The following RELN variants were observed in gnomAD, a reference collection of about 807,000 sequenced individuals.
RELN encodes reelin.
Under a neutral mutation model 427.6 loss-of-function variants are expected in RELN, and 108 were observed. That is an observed-to-expected ratio of 0.25 (90% CI 0.22 to 0.30). The LOEUF is 0.30. RELN is among the 10% of genes least tolerant of loss of function. The pLI is 1.00. For missense variants in RELN, 3,715 were observed against 4,302.8 expected (o/e 0.86, Z 3.82); for synonymous variants, 1,524 against 1,513.4 (o/e 1.01, Z -0.16).
At chr7:103,912,629 A>T (rs1795395230) in intron 2 of RELN, among the ~76,000 whole-genome samples, 1 of 152,158 alleles carries the variant, frequency 6.6e-6, no homozygotes, top group African/African-American at 2.4e-5. Context: ...ATTATCTAGG[A>T]AGTACAAAGA....
At position 103,873,412 on chromosome 7, in the gene RELN, CA is replaced by C. The variant is rs1339050651; in HGVS notation, c.338-39741del. Among the ~76,000 whole-genome samples the C allele has an allele frequency of 3.1e-5, 4 of 128,886 alleles. No individual in the cohort carries two copies. In the South Asian group the frequency reaches 1.4e-3, roughly 44 times the overall value. 84.6% of individuals were successfully genotyped at this position (128,886 alleles called of 152,430 possible). On this transcript the variant is annotated intron_variant, in intron 2 of 64. Transcript: ENST00000428762. ...AAACCCTTCAAAAAATCAATGAATC[CA>C]GGAGCTGGTTTTTTGAAAGGATCAA...
At chr7:103,857,874 A>T (rs1452725102) in intron 2 of RELN, among the ~76,000 whole-genome samples, 1 of 152,190 alleles carries the variant, frequency 6.6e-6, no homozygotes, top group Non-Finnish European at 1.5e-5. Context: ...GGGGGAAAAA[A>T]GCCACATCTT....
chr7:103,837,749 G>T (rs1793444498), intron 2 of RELN, among the ~76,000 whole-genome samples: 1 of 152,118 alleles, frequency 6.6e-6, no homozygotes, highest in African/African-American at 2.4e-5. Context: ...TGGCATCAGA[G>T]CAGTTCATAC....
chr7:103,522,830 G>GACATACAGACACACACACACACAGACAC (rs1829739097), intron 47 of RELN, among the ~76,000 whole-genome samples: 1 of 4,016 alleles, frequency 2.5e-4, no homozygotes, highest in Non-Finnish European at 4.8e-4. Flanking sequence ...ATCTCACACA[G>GACATACAGACACACACACACACAGACAC]ACACACAGAC....
chr7:103,566,798 T>G, intron 31 of RELN, 39 bp from the exon 32 acceptor site: 1 of 1,589,752 alleles, frequency 6.3e-7, no homozygotes, highest in South Asian at 1.1e-5. Context: ...TTGGACACTT[T>G]CCTAGAGGGG....
chr7:103,930,296 T>C (rs1584377132), intron 1 of RELN, among the ~76,000 whole-genome samples: 1 of 152,158 alleles, frequency 6.6e-6, no homozygotes, highest in African/African-American at 2.4e-5. Flanking sequence ...ATCAGTGATA[T>C]TGGATTAGGG....
intron 46 of RELN, among the ~76,000 whole-genome samples, chr7:103,533,352 G>T (rs1010667719): frequency 6.6e-6 from 1 of 152,186 alleles, no homozygotes; most frequent in Non-Finnish European, 1.5e-5. Context: ...CAGAGACAGC[G>T]ATTTTAATTT....
Position 103,572,258 on chromosome 7 carries a change from A to C in RELN, c.4514T>G (p.Leu1505Arg). The C allele has an allele frequency of 1.3e-6, 2 of 1,548,824 alleles. No homozygotes were observed. Among genetic ancestry groups the C allele is most frequent in the Non-Finnish European group, 1.8e-6 (2 of 1,120,580 alleles). ...TVPLDTRNIR[L>R]VQFYIQIGSK... ...TCCAATTTGTATATAAAATTGAACA[A>C]GTCTGGGGAATAAAAACTTTAGTTT... Residue 1505 changes from leucine (L) to arginine (R), a missense_variant and splice_region_variant, in exon 31 of 65, where the codon CTT becomes CGT. Leu to Arg is a moderately radical substitution (Grantham distance 102, BLOSUM62 -2). Transcript: ENST00000428762.
chr7:103,614,103 A>C (rs1204864474), intron 20 of RELN, among the ~76,000 whole-genome samples: 3 of 152,260 alleles, frequency 2.0e-5, no homozygotes, highest in African/African-American at 7.2e-5. Context: ...TAAAGGTGCC[A>C]AGACACCAAG....
chr7:103,711,571 A>C (rs1339708336), intron 8 of RELN, among the ~76,000 whole-genome samples: 1 of 152,234 alleles, frequency 6.6e-6, no homozygotes, highest in Non-Finnish European at 1.5e-5. Context: ...GGTTTGACTC[A>C]ATTAAAATAT....
At chr7:103,867,616 C>A (rs1472740292) in intron 2 of RELN, among the ~76,000 whole-genome samples, 4 of 151,992 alleles carry the variant, frequency 2.6e-5, no homozygotes, top group Non-Finnish European at 5.9e-5. Context: ...TTGAAATAAA[C>A]CCAAATTAAT....
rs1361024478 is a variant in RELN, at chr7:103,697,989, C to T, written c.1007G>A (p.Gly336Asp). ...GGCCCAGCAGGCTTCATACACTTCACCTACACGAAGATTTTCCTGCTTCCA... is the reference window on the plus strand; with the variant it reads ...GGCCCAGCAGGCTTCATACACTTCATCTACACGAAGATTTTCCTGCTTCCA... ...FQWKQENLRVGEVYEACWALD... is the reference protein window; with the variant it reads ...FQWKQENLRVDEVYEACWALD... The change falls in exon 10 of 65, where the codon GGT becomes GAT. Residue 336 changes from glycine to aspartate, a missense_variant. Physicochemically the swap from Gly to Asp is moderately conservative, Grantham distance 94 (BLOSUM62 -1). Around this residue, in one of 4 missense-constraint regions of RELN, gnomAD observed 2,208 missense variants for 2,361.7 expected, o/e 0.93. Transcript: ENST00000428762. 6.8e-6 allele frequency: 11 copies of T among 1,613,818 alleles called. No homozygotes were observed. The highest frequency in any genetic ancestry group is 2.2e-5 in the East Asian group (1 of 44,852).
intron 19 of RELN, among the ~76,000 whole-genome samples, chr7:103,634,637 A>G (rs1453160815): frequency 6.6e-6 from 1 of 152,084 alleles, no homozygotes; most frequent in African/African-American, 2.4e-5. Flanking sequence ...CATTTTTGCC[A>G]GAGACACTAT....
In RELN at chr7:103,697,749, G is replaced by A. The variant is rs1200905267; in HGVS notation, c.1143+104C>T. ...TATATTATCTGGTCCTTTAATAGTG[G>A]TTTTGGTAAAATAGCTATCTTTATA... On this transcript the variant is annotated intron_variant, in intron 10 of 64. Coordinates refer to ENST00000428762, the MANE Select transcript of RELN (RefSeq NM_005045.4). 4 of 1,526,812 alleles carry A rather than the reference G, an allele frequency of 2.6e-6. No homozygotes were observed. In the Admixed American group the frequency reaches 7.3e-5, roughly 28 times the overall value. 94.6% of individuals were successfully genotyped at this position (1,526,812 alleles called of 1,614,324 possible).
intron 48 of RELN, among the ~76,000 whole-genome samples, chr7:103,520,276 C>T (rs1252043881): frequency 2.6e-5 from 4 of 152,022 alleles, no homozygotes; most frequent in African/African-American, 7.2e-5. Context: ...ATTGAGATGA[C>T]CATTTTATTA....
chr7:103,926,687 C>T (rs62481172), intron 1 of RELN, among the ~76,000 whole-genome samples: 33,855 of 141,682 alleles, frequency 0.24, 5,218 homozygotes, highest in Non-Finnish European at 0.34. Context: ...CTCTGTCGCC[C>T]AGGCTAGAGG....
chr7:103,927,248 A>G (rs1795765840), intron 1 of RELN, among the ~76,000 whole-genome samples: 1 of 152,222 alleles, frequency 6.6e-6, no homozygotes, highest in African/African-American at 2.4e-5. Context: ...CGATACTGAG[A>G]ACATAATGAT....
At chr7:103,511,308 G>A (rs1453937748) in intron 50 of RELN, among the ~76,000 whole-genome samples, 1 of 152,052 alleles carries the variant, frequency 6.6e-6, no homozygotes. Context: ...TTTTTTGACA[G>A]ATATTTAACT....
chr7:103,499,054 C>T (rs1009520748), intron 53 of RELN, among the ~76,000 whole-genome samples: 10 of 152,174 alleles, frequency 6.6e-5, no homozygotes, highest in African/African-American at 2.4e-4. Context: ...ATCCTTCAGC[C>T]TCTAGCACAG....
Sources: gnomAD v4.1 joint callset for allele counts (sites outside exome capture counted in the v4.1 genomes callset) on GRCh38, gnomAD v4.1.1 for gene constraint, gnomAD v4.1.1 regional missense constraint, MANE v1.5 for transcripts, NCBI Gene and HGNC (gene_info 2026-07-23, HGNC 2026-07-21) for gene names.